The following ULK4 variants were observed in gnomAD, a reference collection of about 807,000 sequenced individuals.
ULK4 encodes the protein unc-51 like kinase 4.
A neutral mutation model predicts 160.6 loss-of-function variants in ULK4; 133 were observed. That is an observed-to-expected ratio of 0.83 (90% CI 0.72 to 0.96). The LOEUF is 0.96. ULK4 is among the 40% of genes least tolerant of loss of function. The probability of loss-of-function intolerance (pLI) is 0.00; values close to 1 mark genes in which losing one functional copy is unlikely to be tolerated. For synonymous variants in ULK4, 534 were observed against 539.8 expected, an observed-to-expected ratio of 0.99 and a Z score of 0.15; for missense variants, 1,580 against 1,499.5, an observed-to-expected ratio of 1.05 and a Z score of -0.89.
chr3:41,305,706 C>T (rs1254541437), intron 35 of ULK4, among the ~76,000 whole-genome samples: 6 of 150,536 alleles, frequency 4.0e-5, no homozygotes, highest in Non-Finnish European at 7.4e-5. Flanking sequence ...AGGAGCCCCT[C>T]TGCCTGGCTG....
intron 15 of ULK4, 124 bp downstream of exon 15, chr3:41,896,698 T>C: frequency 2.7e-6 from 3 of 1,119,864 alleles, no homozygotes; most frequent in South Asian, 3.9e-5. Flanking sequence ...ATAATTTTCA[T>C]AAACCTAAAA....
chr3:41,305,423 T>C (rs2079889025), intron 35 of ULK4, among the ~76,000 whole-genome samples: 1 of 152,158 alleles, frequency 6.6e-6, no homozygotes, highest in Admixed American at 6.5e-5. Context: ...GGTTTCGCTG[T>C]GTTGGCCAGG....
At chr3:41,254,718 C>G (rs1254446900) in intron 35 of ULK4, among the ~76,000 whole-genome samples, 2 of 151,702 alleles carry the variant, frequency 1.3e-5, no homozygotes, top group African/African-American at 4.8e-5. Context: ...CCTGTCTCTA[C>G]TAAAAATAGA....
chr3:41,800,135 T>C lies in ULK4; in HGVS notation c.2007A>G (p.Val669=), dbSNP rs556439042. ...CCCAAAAGATGCTTCATCTTACCGA[T>C]ACTGCTGTTATCCTAAGAGAATCAG... is the stretch of plus-strand genomic sequence containing the variant. ...STADSLRITA[V]SALCRITRHS... Residue 669 remains valine, a synonymous_variant, in exon 20 of 37, where the codon GTA becomes GTG. Coordinates refer to ENST00000301831, the MANE Select transcript of ULK4 (RefSeq NM_017886.4). 63 of 1,602,910 alleles carry C rather than the reference T, an allele frequency of 3.9e-5. No homozygotes were observed. In the South Asian group the frequency reaches 7.2e-4, roughly 18 times the overall value.
At chr3:41,362,728 CATT>C (rs1184837968) in intron 35 of ULK4, among the ~76,000 whole-genome samples, 2 of 152,192 alleles carry the variant, frequency 1.3e-5, no homozygotes, top group Non-Finnish European at 2.9e-5. Flanking sequence ...GATTTTACAT[CATT>C]ATTAAGACAA....
chr3:41,684,275 T>A lies in ULK4; in HGVS notation c.2782-2471A>T, dbSNP rs1046129156. On this transcript the variant is annotated intron_variant, in intron 27 of 36. Transcript: ENST00000301831. ...TTACCAGCCAGGCTTCTGACCTGCTTCTCTGTGCACACCAGTTGAGTGAAA... is the reference window on the plus strand; with the variant it reads ...TTACCAGCCAGGCTTCTGACCTGCTACTCTGTGCACACCAGTTGAGTGAAA... Among the ~76,000 whole-genome samples, 3 of 152,316 alleles carry A rather than the reference T, an allele frequency of 2.0e-5. No homozygotes were observed. The South Asian group carries it at 6.2e-4, about 32-fold the overall frequency.
At chr3:41,486,800 G>T (rs143738260) in intron 32 of ULK4, among the ~76,000 whole-genome samples, 1 of 152,038 alleles carries the variant, frequency 6.6e-6, no homozygotes, top group African/African-American at 2.4e-5. Flanking sequence ...TTTCATATAC[G>T]ATCTGGCCAT....
intron 36 of ULK4, among the ~76,000 whole-genome samples, chr3:41,247,621 C>G (rs528039616): frequency 5.9e-5 from 9 of 152,068 alleles, no homozygotes; most frequent in Admixed American, 3.3e-4. Flanking sequence ...GGGGGTGGGG[C>G]CCTGCATAAA....
At chr3:41,659,178 C>A (rs866928279) in intron 30 of ULK4, among the ~76,000 whole-genome samples, 4 of 152,286 alleles carry the variant, frequency 2.6e-5, no homozygotes, top group Middle Eastern at 3.4e-3. Context: ...TTGGTACAAC[C>A]CACCTGGAAA....
intron 35 of ULK4, among the ~76,000 whole-genome samples, chr3:41,305,205 T>TCTCCCTCTCCCC: frequency 7.3e-6 from 1 of 137,066 alleles, no homozygotes; most frequent in Non-Finnish European, 1.6e-5. Flanking sequence ...TCCCTCTCCC[T>TCTCCCTCTCCCC]CTCCCCACGG....
chr3:41,366,548 T>TACAC (rs148305509), intron 35 of ULK4, among the ~76,000 whole-genome samples: 8,458 of 148,730 alleles, frequency 0.057, 291 homozygotes, highest in Admixed American at 0.11. Context: ...AAAATATGGC[T>TACAC]ACACACACAC....
intron 31 of ULK4, among the ~76,000 whole-genome samples, chr3:41,582,783 G>A (rs1298109500): frequency 6.6e-6 from 1 of 152,220 alleles, no homozygotes; most frequent in Non-Finnish European, 1.5e-5. Context: ...TTTCTCAAGT[G>A]CTACAAAACA....
At chr3:41,782,988 A>G (rs6803560) in intron 21 of ULK4, among the ~76,000 whole-genome samples, 47,484 of 151,156 alleles carry the variant, frequency 0.31, 10,996 homozygotes, top group African/African-American at 0.66. Context: ...GAGAAATATG[A>G]GCCAGCAAAG....
At chr3:41,263,255 G>A (rs769330798) in intron 35 of ULK4, among the ~76,000 whole-genome samples, 13 of 152,186 alleles carry the variant, frequency 8.5e-5, no homozygotes, top group Non-Finnish European at 1.8e-4. Flanking sequence ...CCTTAGGAAT[G>A]CTATATGGGG....
chr3:41,734,172 T>C (rs989251895), intron 22 of ULK4, among the ~76,000 whole-genome samples: 6 of 152,250 alleles, frequency 3.9e-5, no homozygotes, highest in African/African-American at 1.2e-4. Flanking sequence ...ATTGGCTTGG[T>C]TGGGGCAGTC....
At chr3:41,450,370 G>C (rs183190697) in intron 34 of ULK4, among the ~76,000 whole-genome samples, 72 of 152,222 alleles carry the variant, frequency 4.7e-4, no homozygotes, top group Non-Finnish European at 9.1e-4. Context: ...TTTATGGTAA[G>C]AGAATCAAGA....
At chr3:41,369,177 T>A (rs2081312477) in intron 35 of ULK4, among the ~76,000 whole-genome samples, 1 of 152,212 alleles carries the variant, frequency 6.6e-6, no homozygotes, top group Admixed American at 6.5e-5. Context: ...CAACTATTAT[T>A]TCAGAAGTAG....
rs896890118 is a variant in ULK4, at chr3:41,828,337, T to C, written c.1764+7527A>G. ...GAGAAGGAAATAAAGGGCATTCAAT[T>C]AGGAAAACAGGAAGTCAAATTGTCC... On this transcript the variant is annotated intron_variant, in intron 18 of 36. Coordinates refer to ENST00000301831, the MANE Select transcript of ULK4 (RefSeq NM_017886.4). 3.1e-4 allele frequency among the ~76,000 whole-genome samples: 46 copies of C among 149,972 alleles called. 1 individual carries two copies. The highest frequency in any genetic ancestry group is 3.0e-3 in the Admixed American group (45 of 14,978).
rs1559645858 is a variant in ULK4, at chr3:41,912,816, A to T, written c.887T>A (p.Leu296His). 1 of 1,614,074 alleles carries T rather than the reference A, an allele frequency of 6.2e-7. No homozygotes were observed. The highest frequency in any genetic ancestry group is 8.5e-7 in the Non-Finnish European group (1 of 1,179,956). ...GADQESSVED[L>H]SLSRNTMECS... The stretch of plus-strand genomic sequence containing the variant: ...GGTAAGTGTATACTACCTGAGACTG[A>T]GATCTTCGACGCTTGATTCCTGATC... The change falls in exon 9 of 37, where the codon CTC becomes CAC. Residue 296 changes from leucine to histidine, a missense_variant. Leu to His is a moderately conservative substitution (Grantham distance 99, BLOSUM62 -3). Transcript: ENST00000301831.
Sources: gnomAD v4.1 joint callset for allele counts (sites outside exome capture counted in the v4.1 genomes callset) on GRCh38, gnomAD v4.1.1 for gene constraint, MANE v1.5 for transcripts, NCBI Gene and HGNC (gene_info 2026-07-23, HGNC 2026-07-21) for gene names.